The following RERE variants were observed in gnomAD, a reference collection of about 807,000 sequenced individuals.
RERE encodes arginine-glutamic acid dipeptide repeats protein.
A neutral mutation model predicts 146.1 loss-of-function variants in RERE; 40 were observed. The observed-to-expected ratio is 0.27, with a 90% confidence interval of 0.21 to 0.36. The LOEUF (loss-of-function observed/expected upper bound fraction) is 0.36. RERE is among the 10% of genes least tolerant of loss of function. The pLI is 1.00. For missense variants in RERE, 1,933 were observed against 2,138.7 expected, an observed-to-expected ratio of 0.90 and a Z score of 1.90; for synonymous variants, 1,003 against 866.0, an observed-to-expected ratio of 1.16 and a Z score of -2.78.
chr1:8,685,449 C>G (rs997055869), intron 1 of RERE, among the ~76,000 whole-genome samples: 1 of 152,040 alleles, frequency 6.6e-6, no homozygotes, highest in East Asian at 1.9e-4. Flanking sequence ...AGGCCGGGCG[C>G]GGTGGCTCAC....
intron 1 of RERE, among the ~76,000 whole-genome samples, chr1:8,796,382 A>G (rs1641473632): frequency 6.6e-6 from 1 of 152,176 alleles, no homozygotes; most frequent in Non-Finnish European, 1.5e-5. Flanking sequence ...CATCATCTTC[A>G]ATCTCCCTAT....
intron 6 of RERE, among the ~76,000 whole-genome samples, chr1:8,554,110 G>A (rs1467885229): frequency 2.6e-5 from 4 of 152,120 alleles, no homozygotes; most frequent in Admixed American, 6.5e-5. Flanking sequence ...GAACCCAGGA[G>A]GCGGAGGTTG....
chr1:8,553,619 A>G (rs1037692463), intron 6 of RERE, among the ~76,000 whole-genome samples: 1 of 152,390 alleles, frequency 6.6e-6, no homozygotes, highest in Admixed American at 6.5e-5. Flanking sequence ...AAAGTTTTAT[A>G]AAGCAGCTAC....
intron 10 of RERE, among the ~76,000 whole-genome samples, chr1:8,482,662 A>G (rs1644850324): frequency 6.9e-6 from 1 of 144,844 alleles, no homozygotes; most frequent in South Asian, 2.3e-4. Flanking sequence ...AGCCTGGGCA[A>G]CAGAGTGAGA....
chr1:8,495,068 T>A lies in RERE; in HGVS notation c.1099A>T (p.Asn367Tyr). 1 of 1,609,834 alleles carries A rather than the reference T, an allele frequency of 6.2e-7. No homozygotes were observed. Among genetic ancestry groups the A allele is most frequent in the Non-Finnish European group, 8.5e-7 (1 of 1,176,112 alleles). The change falls in exon 10 of 23, where the codon AAC becomes TAC. Residue 367 changes from asparagine (N) to tyrosine (Y), a missense_variant. Asn to Tyr is a moderately radical substitution (Grantham distance 143). Coordinates refer to ENST00000400908, the MANE Select transcript of RERE (RefSeq NM_001042681.2). ...GGTGACTTCAAAAGACTTACTGTGT[T>A]CAGTGCATTCAGAGTGGTGTCATCC... ...SRDDTTLNAL[N>Y]TLHESGYDAG...
chr1:8,462,078 A>T (rs1215781485), intron 11 of RERE, among the ~76,000 whole-genome samples: 1 of 152,126 alleles, frequency 6.6e-6, no homozygotes, highest in Non-Finnish European at 1.5e-5. Context: ...CCAAAAGTAA[A>T]ATTTTTAAGG....
At chr1:8,700,982 T>C (rs1639433294) in intron 1 of RERE, among the ~76,000 whole-genome samples, 1 of 152,170 alleles carries the variant, frequency 6.6e-6, no homozygotes, top group Non-Finnish European at 1.5e-5. Context: ...TCTTGTTCTA[T>C]CACTTGCTTA....
intron 12 of RERE, among the ~76,000 whole-genome samples, chr1:8,417,991 C>G (rs183214701): frequency 7.6e-4 from 116 of 152,320 alleles, no homozygotes; most frequent in African/African-American, 2.6e-3. Flanking sequence ...CACCGCCCCT[C>G]CAATTAGCTT....
intron 4 of RERE, among the ~76,000 whole-genome samples, chr1:8,573,599 A>AT (rs1646251079): frequency 6.6e-6 from 1 of 152,174 alleles, no homozygotes; most frequent in African/African-American, 2.4e-5. Context: ...CTTGGTTGTA[A>AT]TAAGTATTCC....
intron 7 of RERE, among the ~76,000 whole-genome samples, chr1:8,528,454 G>C (rs1645597224): frequency 6.6e-6 from 1 of 152,114 alleles, no homozygotes; most frequent in Non-Finnish European, 1.5e-5. Flanking sequence ...TCATACCATA[G>C]TTATGTAAGA....
intron 1 of RERE, among the ~76,000 whole-genome samples, chr1:8,762,709 A>G (rs773138970): frequency 2.6e-5 from 4 of 152,156 alleles, no homozygotes; most frequent in Non-Finnish European, 5.9e-5. Context: ...ACGATTCAAG[A>G]TGACCTTAAT....
chr1:8,601,200 T>C (rs1646620565), intron 4 of RERE, among the ~76,000 whole-genome samples: 2 of 151,776 alleles, frequency 1.3e-5, no homozygotes, highest in Non-Finnish European at 2.9e-5. Flanking sequence ...GTATTTTTAG[T>C]AGAGATGGGG....
In RERE at chr1:8,359,788, C is replaced by CCGTTCT; in HGVS notation, c.3593_3594insAGAACG (p.Arg1200_Glu1201dup). On this transcript the variant is annotated inframe_insertion, in exon 19 of 23. Coordinates refer to ENST00000400908, the MANE Select transcript of RERE (RefSeq NM_001042681.2). ...CAGCCGCCCGCTCTGCCTCGCGCTC[C>CCGTTCT]CGCTCTCGCTCCCGCTCCCGCTCCT... The CCGTTCT allele has an allele frequency of 6.2e-7, 1 of 1,601,272 alleles. No homozygotes were observed. The highest frequency in any genetic ancestry group is 8.5e-7 in the Non-Finnish European group (1 of 1,178,722).
Position 8,493,822 on chromosome 1 carries a change from C to T in RERE, c.1104+1241G>A, listed in dbSNP as rs550611426. Among the ~76,000 whole-genome samples the T allele has an allele frequency of 1.7e-3, 261 of 152,248 alleles. 4 individuals carry two copies. The highest frequency in any genetic ancestry group is 5.2e-3 in the African/African-American group (218 of 41,548). ...CAACAGCCTACATACACATACACAACGATGCAGACTATCAATATATCAGAA... is the reference window on the plus strand; with the variant it reads ...CAACAGCCTACATACACATACACAATGATGCAGACTATCAATATATCAGAA... On this transcript the variant is annotated intron_variant, in intron 10 of 22. Coordinates refer to ENST00000400908, the MANE Select transcript of RERE (RefSeq NM_001042681.2).
intron 10 of RERE, among the ~76,000 whole-genome samples, chr1:8,474,440 CATT>C (rs962732759): frequency 1.3e-5 from 2 of 152,198 alleles, no homozygotes; most frequent in African/African-American, 4.8e-5. Context: ...CCAAGCACCT[CATT>C]AATATTACAG....
intron 12 of RERE, among the ~76,000 whole-genome samples, chr1:8,410,522 G>A (rs1303255253): frequency 6.6e-6 from 1 of 152,116 alleles, no homozygotes; most frequent in South Asian, 2.1e-4. Flanking sequence ...AAAGGAAGGC[G>A]GCCCGAAAAA....
chr1:8,394,809 T>A (rs1174253878), intron 12 of RERE, among the ~76,000 whole-genome samples: 1 of 152,156 alleles, frequency 6.6e-6, no homozygotes, highest in East Asian at 1.9e-4. Flanking sequence ...ATATATATAT[T>A]ATATCTCCAT....
intron 10 of RERE, among the ~76,000 whole-genome samples, chr1:8,489,879 T>A (rs754404875): frequency 6.6e-6 from 1 of 150,924 alleles, no homozygotes; most frequent in African/African-American, 2.4e-5. Context: ...TGAAACCCCA[T>A]CTCTACTAAA....
At chr1:8,519,060 G>C (rs1645456835) in intron 7 of RERE, among the ~76,000 whole-genome samples, 1 of 152,220 alleles carries the variant, frequency 6.6e-6, no homozygotes, top group African/African-American at 2.4e-5. Context: ...ATGGTCTTCA[G>C]AATTAAATGA....
Sources: allele counts gnomAD v4.1 joint callset (sites outside exome capture counted in the v4.1 genomes callset), GRCh38; gene constraint gnomAD v4.1.1; transcripts MANE v1.5; gene names NCBI Gene and HGNC (gene_info 2026-07-23, HGNC 2026-07-21).